The following NECTIN3 variants were observed in gnomAD, a reference collection of about 807,000 sequenced individuals.
The protein encoded by NECTIN3 is nectin cell adhesion molecule 3.
Under a neutral mutation model 49.4 loss-of-function variants are expected in NECTIN3, and 8 were observed. The observed-to-expected ratio is 0.16, with a 90% confidence interval of 0.10 to 0.29. The LOEUF (loss-of-function observed/expected upper bound fraction) is 0.29, where lower values mean the gene tolerates loss of function less well. NECTIN3 is among the 10% of genes least tolerant of loss of function. The pLI is 1.00. For synonymous variants in NECTIN3, 277 were observed against 241.1 expected, an observed-to-expected ratio of 1.15 and a Z score of -1.38; for missense variants, 581 against 654.6, an observed-to-expected ratio of 0.89 and a Z score of 1.23.
At position 111,144,975 on chromosome 3, in the gene NECTIN3, T is replaced by A. The variant is rs147029780; in HGVS notation, c.1077T>A (p.Ile359=). Reference sequence around the variant, plus strand: ...GAGCTGTTCTTGCCCTTTTCATCATTGCTATCTTTGTGACTGTGCTGCTGA... The same window carrying A: ...GAGCTGTTCTTGCCCTTTTCATCATAGCTATCTTTGTGACTGTGCTGCTGA... The change falls in exon 6 of 9, where the codon ATT becomes ATA. Residue 359 remains isoleucine (I), a synonymous_variant. Transcript: ENST00000493615. 2.8e-5 allele frequency: 43 copies of A among 1,536,450 alleles called. No individual in the cohort carries two copies. The African/African-American group carries it at 5.5e-4, about 20-fold the overall frequency.
intron 7 of NECTIN3, among the ~76,000 whole-genome samples, chr3:111,165,735 G>C (rs1165487883): frequency 6.6e-6 from 1 of 152,150 alleles, no homozygotes; most frequent in Non-Finnish European, 1.5e-5. Flanking sequence ...TATTCCATAA[G>C]CTTATATTAG....
chr3:111,137,769 CTTT>C (rs3081495), downstream of NECTIN3, among the ~76,000 whole-genome samples: 6 of 100,026 alleles, frequency 6.0e-5, no homozygotes, highest in Non-Finnish European at 1.1e-4. Flanking sequence ...AAATTTTTTC[CTTT>C]TTTTTTTTTT....
At chr3:111,086,591 G>A (rs1359504762) in intron 1 of NECTIN3, among the ~76,000 whole-genome samples, 3 of 152,150 alleles carry the variant, frequency 2.0e-5, no homozygotes, top group Non-Finnish European at 1.5e-5. Flanking sequence ...CTCTGTTCCA[G>A]TGGTCCATTT....
At chr3:111,161,458 G>A (rs2035210763) in intron 7 of NECTIN3, among the ~76,000 whole-genome samples, 1 of 152,122 alleles carries the variant, frequency 6.6e-6, no homozygotes, top group Non-Finnish European at 1.5e-5. Flanking sequence ...TTCTGGAGCA[G>A]GGGTCCCCAA....
rs374184162 is a variant in NECTIN3 at position 111,133,875 on chromosome 3, A to G, written c.1310A>G (p.Asp437Gly). 9 of 1,613,872 alleles carry G rather than the reference A, an allele frequency of 5.6e-6. No homozygotes were observed. Among genetic ancestry groups the G allele is most frequent in the Non-Finnish European group, 7.6e-6 (9 of 1,179,914 alleles). The change falls in exon 6 of 6, where the codon GAC becomes GGC. Residue 437 changes from aspartate to glycine, a missense_variant. Physicochemically the swap from Asp to Gly is moderately conservative, Grantham distance 94 (BLOSUM62 -1). Around this residue, in one of 3 missense-constraint regions of NECTIN3, gnomAD observed 238 missense variants for 244.9 expected, o/e 0.97. Coordinates refer to ENST00000485303, the MANE Select transcript of NECTIN3 (RefSeq NM_015480.3). ...AGGAGAAGACGGACGTTTCGTGGAG[A>G]CTACTTTGCCAAGAACTACATTCCA... ...CYRRRRTFRG[D>G]YFAKNYIPPS...
At chr3:111,186,876 A>C (rs28379577) in intron 7 of NECTIN3, among the ~76,000 whole-genome samples, 60 of 152,340 alleles carry the variant, frequency 3.9e-4, no homozygotes, top group African/African-American at 1.3e-3. Flanking sequence ...CTAGGAAAAG[A>C]TACAAGAATA....
chr3:111,149,459 A>ATGTGTGTGTGTGTG lies in NECTIN3; in HGVS notation c.1221+2011_1221+2024dup, dbSNP rs56219611. ...CCAGATAAGCCTCTATTCTGGTAGGATGTGTGTGTGTGTGTGTGTGTGTGT... is the reference window on the plus strand; with the variant it reads ...CCAGATAAGCCTCTATTCTGGTAGGATGTGTGTGTGTGTGTGTGTGTGTGTGTGTGTGTGTGTGT... On this transcript the variant is annotated intron_variant, in intron 7 of 8. Coordinates refer to the NECTIN3 transcript ENST00000493615. Among the ~76,000 whole-genome samples, 48 of 128,402 alleles carry ATGTGTGTGTGTGTG rather than the reference A, an allele frequency of 3.7e-4. 1 individual carries two copies. The highest frequency in any genetic ancestry group is 4.7e-4 in the African/African-American group (17 of 36,038). The allele number at this position is 128,402 out of a possible 152,430, so 84.2% of individuals were successfully genotyped here. A position where few individuals can be genotyped will look rare whatever the true frequency, so the allele number is the denominator to read the frequency against.
At chr3:111,106,437 CA>C (rs2033186191) in intron 1 of NECTIN3, among the ~76,000 whole-genome samples, 1 of 152,090 alleles carries the variant, frequency 6.6e-6, no homozygotes, top group African/African-American at 2.4e-5. Context: ...TATTTGTTTG[CA>C]GTTTATAGTG....
intron 5 of NECTIN3, among the ~76,000 whole-genome samples, chr3:111,128,614 C>T (rs1412906274): frequency 6.6e-6 from 1 of 152,124 alleles, no homozygotes; most frequent in African/African-American, 2.4e-5. Context: ...GTTACTGGTA[C>T]TTCTTTCCTT....
At chr3:111,153,885 G>A (rs1014054500) in intron 7 of NECTIN3, among the ~76,000 whole-genome samples, 2 of 151,992 alleles carry the variant, frequency 1.3e-5, no homozygotes, top group African/African-American at 4.8e-5. Flanking sequence ...CTGAGAATAT[G>A]TAGTTAATAA....
intron 1 of NECTIN3, among the ~76,000 whole-genome samples, chr3:111,093,017 C>T (rs2032365248): frequency 6.6e-6 from 1 of 152,102 alleles, no homozygotes; most frequent in South Asian, 2.1e-4. Flanking sequence ...AAGCTTTACA[C>T]TTCATTGTTA....
At chr3:111,150,414 G>T (rs2034975953) in intron 7 of NECTIN3, among the ~76,000 whole-genome samples, 1 of 151,766 alleles carries the variant, frequency 6.6e-6, no homozygotes, top group African/African-American at 2.4e-5. Context: ...TCATGTATAA[G>T]AACACATGTC....
intron 7 of NECTIN3, among the ~76,000 whole-genome samples, chr3:111,155,164 T>G (rs1166878119): frequency 6.6e-6 from 1 of 152,208 alleles, no homozygotes; most frequent in African/African-American, 2.4e-5. Context: ...TCTTGATCTC[T>G]TGACTTCTTG....
intron 7 of NECTIN3, among the ~76,000 whole-genome samples, chr3:111,176,489 A>G (rs563914618): frequency 2.8e-4 from 43 of 152,312 alleles, no homozygotes; most frequent in African/African-American, 9.1e-4. Context: ...AATTGAGACT[A>G]CAGTTACTTC....
intron 4 of NECTIN3, among the ~76,000 whole-genome samples, chr3:111,125,638 A>G (rs1407874530): frequency 6.6e-6 from 1 of 152,192 alleles, no homozygotes; most frequent in African/African-American, 2.4e-5. Context: ...AAATTATTTT[A>G]TAGGAAGACC....
chr3:111,072,625 T>C, intron 1 of NECTIN3: 20 of 1,495,446 alleles, frequency 1.3e-5, no homozygotes, highest in Non-Finnish European at 1.8e-5. Flanking sequence ...CCGGGTCCAC[T>C]TCTCATGGCC....
intron 5 of NECTIN3, among the ~76,000 whole-genome samples, chr3:111,143,225 A>G (rs2034793468): frequency 1.3e-5 from 2 of 151,924 alleles, no homozygotes; most frequent in Non-Finnish European, 2.9e-5. Flanking sequence ...TTAATCTAGT[A>G]CATATTCAAA....
At chr3:111,098,469 A>G (rs2032717558) in intron 1 of NECTIN3, among the ~76,000 whole-genome samples, 1 of 152,142 alleles carries the variant, frequency 6.6e-6, no homozygotes, top group Admixed American at 6.5e-5. Flanking sequence ...GGCTACAGGC[A>G]TTCCTTGTCT....
At chr3:111,125,801 T>C (rs2034141893) in intron 4 of NECTIN3, among the ~76,000 whole-genome samples, 1 of 152,198 alleles carries the variant, frequency 6.6e-6, no homozygotes, top group African/African-American at 2.4e-5. Flanking sequence ...AGATATGTCA[T>C]GAATGGATCT....
Sources: allele counts gnomAD v4.1 joint callset (sites outside exome capture counted in the v4.1 genomes callset), GRCh38; gene constraint gnomAD v4.1.1; regional missense constraint gnomAD v4.1.1; transcripts MANE v1.5; gene names NCBI Gene and HGNC (gene_info 2026-07-23, HGNC 2026-07-21).